IQGAP2: variants seen among roughly 807,000 people sequenced by gnomAD.
The protein encoded by IQGAP2 is IQ motif containing GTPase activating protein 2.
In IQGAP2, 173 loss-of-function variants were observed where a neutral mutation model predicts 201.3. That is an observed-to-expected ratio of 0.86 (90% CI 0.76 to 0.98). The LOEUF is 0.98. Ranked by LOEUF, IQGAP2 falls within the 50% of genes least tolerant of loss-of-function variation. The probability of loss-of-function intolerance (pLI) is 0.00; values close to 1 mark genes in which losing one functional copy is unlikely to be tolerated. For missense variants in IQGAP2, 1,687 were observed against 1,864.8 expected (o/e 0.90, Z 1.76); for synonymous variants, 675 against 673.9 (o/e 1.00, Z -0.03).
At chr5:76,459,254 G>A (rs1437271030) in intron 1 of IQGAP2, among the ~76,000 whole-genome samples, 9 of 152,136 alleles carry the variant, frequency 5.9e-5, no homozygotes, top group Admixed American at 1.3e-4. Flanking sequence ...GGCAGAGGCC[G>A]AGGGACGGGG....
chr5:76,662,580 T>C (rs747548991), intron 21 of IQGAP2, among the ~76,000 whole-genome samples: 19 of 152,232 alleles, frequency 1.2e-4, no homozygotes, highest in Admixed American at 1.0e-3. Flanking sequence ...GATAGATTTA[T>C]TCTGTGTATT....
In IQGAP2 at chr5:76,562,542, C is replaced by CA. The variant is rs1290980094; in HGVS notation, c.294dup (p.Arg99ThrfsTer3). 3.1e-6 allele frequency: 5 copies of CA among 1,613,424 alleles called. No individual in the cohort carries two copies. Among genetic ancestry groups the CA allele is most frequent in the Non-Finnish European group, 4.2e-6 (5 of 1,179,782 alleles). On this transcript the variant is annotated frameshift_variant, in exon 3 of 36. Transcript: ENST00000274364. LOFTEE classifies it high-confidence loss of function. ...AAAAAGATCTATGATGTGGAACAAA[C>CA]ACGTTATAAGGTAACCAAGATCTAA...
intron 21 of IQGAP2, among the ~76,000 whole-genome samples, chr5:76,662,332 C>T (rs1282516485): frequency 6.6e-6 from 1 of 152,152 alleles, no homozygotes; most frequent in Non-Finnish European, 1.5e-5. Context: ...TCTCATTATC[C>T]TGCCTTCACC....
chr5:76,659,939 A>G (rs1743109635), intron 21 of IQGAP2: 1 of 152,310 alleles, frequency 6.6e-6, no homozygotes, highest in East Asian at 1.9e-4. Context: ...CTCAAAAAAA[A>G]AAAAGTATAA....
chr5:76,414,984 C>A (rs1256918994), intron 1 of IQGAP2, among the ~76,000 whole-genome samples: 1 of 152,126 alleles, frequency 6.6e-6, no homozygotes, highest in Non-Finnish European at 1.5e-5. Context: ...CTAAGCAGGA[C>A]AAATAAGACA....
At chr5:76,455,764 G>A (rs967821046) in intron 1 of IQGAP2, among the ~76,000 whole-genome samples, 4 of 152,138 alleles carry the variant, frequency 2.6e-5, no homozygotes, top group Admixed American at 2.6e-4. Context: ...AACTCTTGTT[G>A]GTAAACTTGT....
At chr5:76,410,120 G>A (rs1462217477) in intron 1 of IQGAP2, among the ~76,000 whole-genome samples, 2 of 152,194 alleles carry the variant, frequency 1.3e-5, no homozygotes, top group African/African-American at 2.4e-5. Flanking sequence ...AGAGAATCTG[G>A]GTGACAAGTA....
intron 1 of IQGAP2, among the ~76,000 whole-genome samples, chr5:76,439,561 T>G (rs1752914252): frequency 6.6e-6 from 1 of 152,352 alleles, no homozygotes; most frequent in East Asian, 1.9e-4. Context: ...TAATATCTTC[T>G]TGTTGGATTG....
intron 11 of IQGAP2, among the ~76,000 whole-genome samples, chr5:76,603,270 A>G (rs559965689): frequency 1.7e-4 from 26 of 152,140 alleles, no homozygotes; most frequent in African/African-American, 6.3e-4. Context: ...CCTACCATAC[A>G]TTATGTTCTG....
intron 2 of IQGAP2, among the ~76,000 whole-genome samples, chr5:76,529,110 C>T (rs1759135565): frequency 6.6e-6 from 1 of 152,128 alleles, no homozygotes. Flanking sequence ...TTTGAGGGAG[C>T]AGGTGGCAGT....
At position 76,624,767 on chromosome 5, in the gene IQGAP2, G is replaced by A. The variant is rs546486961; in HGVS notation, c.1522-2643G>A. On this transcript the variant is annotated intron_variant, in intron 13 of 35. Coordinates refer to ENST00000274364, the MANE Select transcript of IQGAP2 (RefSeq NM_006633.5). Reference sequence around the variant, plus strand: ...AATATACTATTATTTTCAGTCTTCTGGTGAACAACTGAAAAAGCAGACTTG... The same window carrying A: ...AATATACTATTATTTTCAGTCTTCTAGTGAACAACTGAAAAAGCAGACTTG... Among the ~76,000 whole-genome samples the A allele has an allele frequency of 3.3e-5, 5 of 152,236 alleles. No homozygotes were observed. The South Asian group carries it at 1.0e-3, about 32-fold the overall frequency.
At position 76,598,433 on chromosome 5, in the gene IQGAP2, A is replaced by G. The variant is rs568613500; in HGVS notation, c.1071+831A>G. Among the ~76,000 whole-genome samples the G allele has an allele frequency of 4.6e-5, 7 of 152,348 alleles. No individual in the cohort carries two copies. The East Asian group carries it at 1.3e-3, about 29-fold the overall frequency. ...GGCCAAAAACATGAGCAGGCAATTC[A>G]TAAAACAAGAACTATACAAATGACA... On this transcript the variant is annotated intron_variant, in intron 10 of 35. Coordinates refer to ENST00000274364, the MANE Select transcript of IQGAP2 (RefSeq NM_006633.5).
intron 2 of IQGAP2, chr5:76,510,723 C>T (rs777377490): frequency 1.1e-5 from 6 of 525,638 alleles, no homozygotes; most frequent in African/African-American, 1.9e-5. Flanking sequence ...TTCACCCTCT[C>T]GGACCTAAGG....
chr5:76,556,433 T>C (rs1455328331), intron 2 of IQGAP2, among the ~76,000 whole-genome samples: 2 of 152,158 alleles, frequency 1.3e-5, no homozygotes, highest in East Asian at 3.8e-4. Context: ...GGCTGCTCTT[T>C]GATAGAAAAT....
At chr5:76,586,146 A>G (rs1339807343) in intron 5 of IQGAP2, among the ~76,000 whole-genome samples, 1 of 152,232 alleles carries the variant, frequency 6.6e-6, no homozygotes, top group Non-Finnish European at 1.5e-5. Context: ...TAAAGTAAAC[A>G]GTTTTATATC....
chr5:76,469,627 C>T (rs1205645697), intron 2 of IQGAP2, among the ~76,000 whole-genome samples: 1 of 152,142 alleles, frequency 6.6e-6, no homozygotes, highest in African/African-American at 2.4e-5. Flanking sequence ...TGGTCTCAAA[C>T]TCTTGGCCTC....
chr5:76,680,876 AG>A (rs1185826002), intron 28 of IQGAP2, among the ~76,000 whole-genome samples: 2 of 150,752 alleles, frequency 1.3e-5, no homozygotes, highest in African/African-American at 2.4e-5. Flanking sequence ...AGGCTGAAGC[AG>A]GTGGATCACT....
rs1468061697 is a variant in IQGAP2 at position 76,597,522 on chromosome 5, GC to G, written c.994del (p.Gln332SerfsTer26). ...GCTGCTTGCACTGAAGAAACCAGAG[GC>G]CCAGCTGCCTGCTGTTTATCCCTTT... ...NTLLALKKPE[A>X]QLPAVYPFAA... On this transcript the variant is annotated frameshift_variant, in exon 10 of 36. Coordinates refer to ENST00000274364, the MANE Select transcript of IQGAP2 (RefSeq NM_006633.5). LOFTEE classifies it high-confidence loss of function. The G allele has an allele frequency of 6.2e-7, 1 of 1,613,728 alleles. No individual in the cohort carries two copies. Among genetic ancestry groups the G allele is most frequent in the Non-Finnish European group, 8.5e-7 (1 of 1,179,964 alleles).
rs1561618869 is a variant in IQGAP2, at chr5:76,707,200, G to A, written c.4615G>A (p.Asp1539Asn). The part of the protein sequence containing the change: ...EMEKVQLNIQ[D>N]LLQMQYEGVA... The stretch of plus-strand genomic sequence containing the variant: ...TTAATGATGCTTTTTACAATTTCAG[G>A]ATTTACTTCAGATGCAATATGAAGG... The change falls in exon 36 of 36, where the codon GAT (aspartate) becomes AAT (asparagine). Residue 1539 changes from aspartate to asparagine, a missense_variant and splice_region_variant. Asp to Asn is a conservative substitution (Grantham distance 23). Coordinates refer to ENST00000274364, the MANE Select transcript of IQGAP2 (RefSeq NM_006633.5). The A allele has an allele frequency of 4.7e-6, 6 of 1,287,028 alleles. No homozygotes were observed. In the South Asian group the frequency reaches 4.8e-5, roughly 10 times the overall value. The allele number at this position is 1,287,028 out of a possible 1,614,324, so 79.7% of individuals were successfully genotyped here. A position where few individuals can be genotyped will look rare whatever the true frequency, so the allele number is the denominator to read the frequency against.
Sources: gnomAD v4.1 joint callset for allele counts (sites outside exome capture counted in the v4.1 genomes callset) on GRCh38, gnomAD v4.1.1 for gene constraint, MANE v1.5 for transcripts, NCBI Gene and HGNC (gene_info 2026-07-23, HGNC 2026-07-21) for gene names.